Variants in ADGRB1 observed in about 807,000 individuals in gnomAD.
The protein encoded by ADGRB1 is adhesion G protein-coupled receptor B1.
ADGRB1 carries 36 observed loss-of-function variants against 175.7 expected under a neutral mutation model. That is an observed-to-expected ratio of 0.20 (90% confidence interval 0.16 to 0.27). The LOEUF is 0.27. ADGRB1 is among the 10% of genes least tolerant of loss of function. The pLI is 1.00. For missense variants in ADGRB1, 1,731 were observed against 2,255.3 expected (o/e 0.77, Z 4.71); for synonymous variants, 1,054 against 979.4 (o/e 1.08, Z -1.42).
In ADGRB1 at chr8:142,464,082, C is replaced by T; in HGVS notation, c.-117C>T. The T allele has an allele frequency of 3.0e-6, 1 of 337,454 alleles. No individual in the cohort carries two copies. Among genetic ancestry groups the T allele is most frequent in the Non-Finnish European group, 4.5e-6 (1 of 222,270 alleles). 20.9% of individuals were successfully genotyped at this position (337,454 alleles called of 1,614,324 possible). On this transcript the variant is annotated 5_prime_UTR_variant, in exon 2 of 31. Transcript: ENST00000517894. ...GGGGCCCTCTCCCATCCCACCCTTG[C>T]CCCGCCTCCCTGCCCCCACCGGGCC...
intron 20 of ADGRB1, 35 bp downstream of exon 20, chr8:142,520,960 A>C: frequency 1.3e-6 from 2 of 1,572,038 alleles, no homozygotes; most frequent in Non-Finnish European, 1.7e-6. Context: ...GCACTTCCCA[A>C]CATCCTCGGG....
chr8:142,490,965 C>A, intron 17 of ADGRB1, 150 bp downstream of exon 17: 1 of 1,094,908 alleles, frequency 9.1e-7, no homozygotes, highest in Non-Finnish European at 1.3e-6. Context: ...CACCACCTGT[C>A]ACTCACTGTC....
intron 1 of ADGRB1, among the ~76,000 whole-genome samples, chr8:142,458,933 G>A (rs967156689): frequency 6.6e-6 from 1 of 152,242 alleles, no homozygotes; most frequent in Non-Finnish European, 1.5e-5. Context: ...CGGGGACCAA[G>A]ACAATCGCCC....
intron 3 of ADGRB1, 61 bp from the exon 4 acceptor site, chr8:142,476,524 C>T: frequency 6.8e-7 from 1 of 1,463,626 alleles, no homozygotes. Flanking sequence ...GCACTGTGGC[C>T]ACAGAGAGAG....
In ADGRB1 at chr8:142,544,602, G is replaced by C. The variant is rs561902381; in HGVS notation, c.*185G>C. ...GGGACCAGAGCCAGATGCAGGACAG[G>C]AGGCGGCCCGGCCAGCGGGCACAGG... On this transcript the variant is annotated 3_prime_UTR_variant, in exon 31 of 31. Transcript: ENST00000517894. The C allele has an allele frequency of 7.5e-6, 5 of 662,572 alleles. No individual in the cohort carries two copies. Among genetic ancestry groups the C allele is most frequent in the Admixed American group, 4.2e-5 (1 of 23,818 alleles). 41.0% of individuals were successfully genotyped at this position (662,572 alleles called of 1,614,324 possible).
intron 26 of ADGRB1, among the ~76,000 whole-genome samples, chr8:142,538,838 G>A (rs913727830): frequency 6.6e-6 from 1 of 152,172 alleles, no homozygotes; most frequent in Non-Finnish European, 1.5e-5. Flanking sequence ...GGAGGGATGT[G>A]GGGGACCAAG....
In ADGRB1 at chr8:142,510,573, G is replaced by A. The variant is rs1587376188; in HGVS notation, c.2676-359G>A. Among the ~76,000 whole-genome samples the A allele has an allele frequency of 6.8e-6, 1 of 148,002 alleles. No individual in the cohort carries two copies. The highest frequency in any genetic ancestry group is 2.4e-5 in the African/African-American group (1 of 40,976). On this transcript the variant is annotated intron_variant, in intron 17 of 30. Coordinates refer to ENST00000517894, the MANE Select transcript of ADGRB1 (RefSeq NM_001702.3). The surrounding 1 kb of genome is among the most constrained non-coding windows in gnomAD (Gnocchi z 6.3). ...CCTCCTTCCCGCGCGGGCCGGGGGC[G>A]CGGGCCCCGGAGGAGCTGGGGGCGG...
chr8:142,542,045 G>C lies in ADGRB1; in HGVS notation c.3811G>C (p.Gly1271Arg). The C allele has an allele frequency of 6.2e-7, 1 of 1,611,738 alleles. No homozygotes were observed. The highest frequency in any genetic ancestry group is 8.5e-7 in the Non-Finnish European group (1 of 1,179,486). Residue 1271 changes from glycine to arginine, a missense_variant, in exon 28 of 31, where the codon GGG (glycine) becomes CGG (arginine). Around this residue, in one of 8 missense-constraint regions of ADGRB1, gnomAD observed 301 missense variants for 488.4 expected, o/e 0.62. Coordinates refer to ENST00000517894, the MANE Select transcript of ADGRB1 (RefSeq NM_001702.3). The surrounding 1 kb of genome is among the most constrained non-coding windows in gnomAD (Gnocchi z 6.3). ...EEKLKLAHAK[G>R]PPTNFNSLPA... ...GAAGCTGAAGCTGGCCCATGCCAAG[G>C]GGCCGCCCACCAATTTCAACAGCCT...
At chr8:142,535,484 C>A (rs913224513) in intron 25 of ADGRB1, among the ~76,000 whole-genome samples, 8 of 152,218 alleles carry the variant, frequency 5.3e-5, no homozygotes, top group African/African-American at 1.9e-4. Flanking sequence ...ATGGCTTCCA[C>A]CTGGGCCTGG....
intron 1 of ADGRB1, among the ~76,000 whole-genome samples, chr8:142,453,901 G>C (rs1274685931): frequency 6.6e-6 from 1 of 152,208 alleles, no homozygotes; most frequent in African/African-American, 2.4e-5. Flanking sequence ...AGAAGGAAGA[G>C]CCGGCAGTGC....
intron 19 of ADGRB1, 72 bp downstream of exon 19, chr8:142,518,313 A>T: frequency 6.6e-7 from 1 of 1,519,448 alleles, no homozygotes; most frequent in East Asian, 2.3e-5. Flanking sequence ...CTTGAAGGTC[A>T]CGGGCGGGGT....
rs1253907419 is a variant in ADGRB1, at chr8:142,450,049, G to T, written c.-275G>T. On this transcript the variant is annotated 5_prime_UTR_variant, in exon 1 of 31. Coordinates refer to ENST00000517894, the MANE Select transcript of ADGRB1 (RefSeq NM_001702.3). Reference sequence around the variant, plus strand: ...GCCGGCGACGCGAGGCGCTCGCGGGGATTTGCAACTCGCCGGATCGAGTCC... The same window carrying T: ...GCCGGCGACGCGAGGCGCTCGCGGGTATTTGCAACTCGCCGGATCGAGTCC... 1 of 149,762 alleles carries T rather than the reference G, an allele frequency of 6.7e-6. No individual in the cohort carries two copies. Among genetic ancestry groups the T allele is most frequent in the East Asian group, 2.0e-4 (1 of 4,984 alleles). 9.3% of individuals were successfully genotyped at this position (149,762 alleles called of 1,614,324 possible).
At chr8:142,490,649 T>C in intron 16 of ADGRB1, 123 bp from the exon 17 acceptor site, 1 of 1,154,484 alleles carries the variant, frequency 8.7e-7, no homozygotes. Context: ...AAACGCAGTC[T>C]GTTCAGGGAC....
At chr8:142,461,400 A>C (rs1354621608) in intron 1 of ADGRB1, among the ~76,000 whole-genome samples, 1 of 152,024 alleles carries the variant, frequency 6.6e-6, no homozygotes, top group Admixed American at 6.5e-5. Context: ...GTCCTGGGAC[A>C]CCCCTCCCAG....
intron 24 of ADGRB1, among the ~76,000 whole-genome samples, chr8:142,529,652 G>C (rs1174528643): frequency 6.6e-6 from 1 of 150,516 alleles, no homozygotes; most frequent in East Asian, 2.0e-4. Flanking sequence ...CTGTATATGC[G>C]TGTGTGAGTG....
In ADGRB1 at chr8:142,493,855, C is replaced by T. The variant is rs567028149; in HGVS notation, c.2675+3040C>T. Reference sequence around the variant, plus strand: ...CTCCCCTCCACTCTGAGTTGGATGGCACCTCCCTTGACTGCTGCAGGGGCC... The same window carrying T: ...CTCCCCTCCACTCTGAGTTGGATGGTACCTCCCTTGACTGCTGCAGGGGCC... On this transcript the variant is annotated intron_variant, in intron 17 of 30. Transcript: ENST00000517894. The surrounding 1 kb of genome is among the most constrained non-coding windows in gnomAD (Gnocchi z 5.0). Among the ~76,000 whole-genome samples, 4 of 152,340 alleles carry T rather than the reference C, an allele frequency of 2.6e-5. No homozygotes were observed. The highest frequency in any genetic ancestry group is 9.6e-5 in the African/African-American group (4 of 41,584).
intron 23 of ADGRB1, among the ~76,000 whole-genome samples, chr8:142,525,866 T>TG (rs1844144267): frequency 6.6e-6 from 1 of 152,014 alleles, no homozygotes; most frequent in Admixed American, 6.5e-5. Flanking sequence ...CTCTGGCAGT[T>TG]GGGGAGCAGA....
chr8:142,486,593 T>C (rs6583637), intron 13 of ADGRB1, among the ~76,000 whole-genome samples: 49,106 of 152,192 alleles, frequency 0.32, 10,856 homozygotes, highest in African/African-American at 0.63. Context: ...GCAGGCGGCA[T>C]TCAGACGTGT....
rs1025919567 is a variant in ADGRB1, at chr8:142,493,402, C to T, written c.2675+2587C>T. Among the ~76,000 whole-genome samples, 14 of 152,196 alleles carry T rather than the reference C, an allele frequency of 9.2e-5. No homozygotes were observed. The highest frequency in any genetic ancestry group is 1.6e-4 in the Non-Finnish European group (11 of 67,994). ...TCAAGTCCCCAGGGTGTTTGGCGTC[C>T]GCGTGGCCTCTGTCGACCCTAAAAG... On this transcript the variant is annotated intron_variant, in intron 17 of 30. Coordinates refer to ENST00000517894, the MANE Select transcript of ADGRB1 (RefSeq NM_001702.3). The surrounding 1 kb of genome is among the most constrained non-coding windows in gnomAD (Gnocchi z 5.0).
Sources: allele counts gnomAD v4.1 joint callset (sites outside exome capture counted in the v4.1 genomes callset), GRCh38; gene constraint gnomAD v4.1.1; regional missense constraint gnomAD v4.1.1; non-coding constraint Gnocchi (gnomAD v3.1); transcripts MANE v1.5; gene names NCBI Gene and HGNC (gene_info 2026-07-23, HGNC 2026-07-21).